Variants in ZPLD1 observed in about 807,000 individuals in gnomAD.
The protein encoded by ZPLD1 is zona pellucida like domain containing 1.
ZPLD1 carries 34 observed loss-of-function variants against 47.2 expected under a neutral mutation model. The observed-to-expected ratio is 0.72, with a 90% confidence interval of 0.55 to 0.96. The LOEUF is 0.96. Ranked by LOEUF, ZPLD1 falls within the 40% of genes least tolerant of loss-of-function variation. ZPLD1 has a pLI of 0.00. For synonymous variants in ZPLD1, 176 were observed against 186.2 expected, an observed-to-expected ratio of 0.95 and a Z score of 0.45; for missense variants, 512 against 505.8, an observed-to-expected ratio of 1.01 and a Z score of -0.12.
chr3:102,395,545 C>T (rs1706547394), intron 7 of ZPLD1, among the ~76,000 whole-genome samples: 1 of 152,104 alleles, frequency 6.6e-6, no homozygotes, highest in Non-Finnish European at 1.5e-5. Context: ...CCCAGAGCCT[C>T]CTGAAGGAAT....
At chr3:102,408,823 T>C (rs1706720309) in intron 7 of ZPLD1, among the ~76,000 whole-genome samples, 1 of 151,848 alleles carries the variant, frequency 6.6e-6, no homozygotes, top group African/African-American at 2.4e-5. Flanking sequence ...ACCTTTATTA[T>C]ATCTACTCTT....
chr3:102,395,033 G>A (rs895538599), intron 7 of ZPLD1, among the ~76,000 whole-genome samples: 3 of 152,112 alleles, frequency 2.0e-5, no homozygotes, highest in African/African-American at 7.2e-5. Flanking sequence ...GAGATTTGAA[G>A]ATGGCATCAG....
intron 3 of ZPLD1, among the ~76,000 whole-genome samples, chr3:102,450,509 AAG>A (rs376379892): frequency 1.3e-5 from 2 of 151,584 alleles, no homozygotes; most frequent in African/African-American, 2.4e-5. Context: ...AGATTCATAG[AAG>A]AGAGAGAGAG....
Position 102,469,052 on chromosome 3 carries a change from C to T in ZPLD1, c.850C>T (p.His284Tyr). The change falls in exon 9 of 12, where the codon CAC becomes TAC. Residue 284 changes from histidine to tyrosine, a missense_variant. By Grantham distance (83) the His-to-Tyr change is moderately conservative (BLOSUM62 2). Transcript: ENST00000466937. ...FSFEVFRFVK[H>Y]KNQKMSTVFL... ...TTTTGAAGTGTTCCGATTTGTGAAA[C>T]ACAAGAATCAGAAAATGTCCACTGT... 3 of 1,614,148 alleles carry T rather than the reference C, an allele frequency of 1.9e-6. No individual in the cohort carries two copies. The highest frequency in any genetic ancestry group is 1.1e-5 in the South Asian group (1 of 91,082).
At chr3:102,454,366 G>A (rs1211259423) in intron 4 of ZPLD1, among the ~76,000 whole-genome samples, 1 of 152,122 alleles carries the variant, frequency 6.6e-6, no homozygotes, top group Non-Finnish European at 1.5e-5. Context: ...TCCCTGTTCT[G>A]TGTGGAAGGA....
chr3:102,422,421 A>G (rs185126068), intron 8 of ZPLD1, among the ~76,000 whole-genome samples: 2 of 152,174 alleles, frequency 1.3e-5, no homozygotes, highest in East Asian at 3.9e-4. Context: ...GCATCCTACA[A>G]CAAAGAATTA....
At chr3:102,400,563 G>A (rs914708460) in intron 7 of ZPLD1, among the ~76,000 whole-genome samples, 15 of 151,976 alleles carry the variant, frequency 9.9e-5, no homozygotes, top group Non-Finnish European at 2.2e-4. Context: ...GTCTCTTTCA[G>A]AAGTTTCCCC....
chr3:102,469,986 T>C (rs908711712), intron 9 of ZPLD1, among the ~76,000 whole-genome samples: 1 of 152,220 alleles, frequency 6.6e-6, no homozygotes, highest in Non-Finnish European at 1.5e-5. Context: ...TTCTTCATAC[T>C]CATTGATCCC....
At position 102,459,828 on chromosome 3, in the gene ZPLD1, A is replaced by G. The variant is rs113956299; in HGVS notation, c.582+1975A>G. 1.8e-3 allele frequency among the ~76,000 whole-genome samples: 269 copies of G among 152,234 alleles called. 1 individual carries two copies. The highest frequency in any genetic ancestry group is 2.0e-3 in the Non-Finnish European group (133 of 67,968). On this transcript the variant is annotated intron_variant, in intron 6 of 11. Transcript: ENST00000466937. ...TGTGAAACATTTGTTACAATTAATA[A>G]ACCAATATTGATACATTATTAACCA... is the stretch of plus-strand genomic sequence containing the variant.
chr3:102,451,113 A>C (rs1229223171), intron 3 of ZPLD1, among the ~76,000 whole-genome samples: 1 of 152,204 alleles, frequency 6.6e-6, no homozygotes, highest in African/African-American at 2.4e-5. Flanking sequence ...GTTTAAACTT[A>C]TTACAAAACA....
At position 102,477,750 on chromosome 3, in the gene ZPLD1, C is replaced by G. The variant is rs1012836188; in HGVS notation, c.*132C>G. ...AGGTTTGATAAATTTCACAGTATAG[C>G]TTGTCAGCATAATGATAGTGAAAGA... On this transcript the variant is annotated 3_prime_UTR_variant, in exon 12 of 12. Coordinates refer to ENST00000466937, the MANE Select transcript of ZPLD1 (RefSeq NM_001329788.2). The G allele has an allele frequency of 1.2e-6, 1 of 834,056 alleles. No individual in the cohort carries two copies. Among genetic ancestry groups the G allele is most frequent in the Non-Finnish European group, 1.8e-6 (1 of 563,562 alleles). 51.7% of individuals were successfully genotyped at this position (834,056 alleles called of 1,614,324 possible). A position where few individuals can be genotyped will look rare whatever the true frequency, so the allele number is the denominator to read the frequency against.
chr3:102,448,349 G>A (rs780211869), intron 3 of ZPLD1, among the ~76,000 whole-genome samples: 1 of 152,196 alleles, frequency 6.6e-6, no homozygotes, highest in African/African-American at 2.4e-5. Context: ...GGATTGGACA[G>A]TAAAAGGCTT....
intron 7 of ZPLD1, among the ~76,000 whole-genome samples, chr3:102,403,722 A>G (rs1198601122): frequency 6.6e-6 from 1 of 151,950 alleles, no homozygotes; most frequent in Non-Finnish European, 1.5e-5. Context: ...AGTTGAAGTC[A>G]CATAGGTATG....
chr3:102,405,038 T>C (rs1706665481), intron 7 of ZPLD1, among the ~76,000 whole-genome samples: 1 of 152,066 alleles, frequency 6.6e-6, no homozygotes, highest in South Asian at 2.1e-4. Flanking sequence ...TAACAGCTGC[T>C]GTGATATTCC....
At chr3:102,471,956 T>C (rs1707692304) in intron 10 of ZPLD1, among the ~76,000 whole-genome samples, 1 of 152,208 alleles carries the variant, frequency 6.6e-6, no homozygotes, top group Non-Finnish European at 1.5e-5. Context: ...AATGCTGTTA[T>C]TATGTTTCAG....
chr3:102,437,576 G>C (rs1576146553), intron 2 of ZPLD1, among the ~76,000 whole-genome samples: 1 of 152,128 alleles, frequency 6.6e-6, no homozygotes, highest in Admixed American at 6.5e-5. Flanking sequence ...CAACCCAAAA[G>C]ATTCTTTTCA....
chr3:102,428,137 C>A (rs1706972497), intron 8 of ZPLD1, among the ~76,000 whole-genome samples: 1 of 152,100 alleles, frequency 6.6e-6, no homozygotes, highest in Admixed American at 6.6e-5. Context: ...TATGTGTAGT[C>A]TTTCTATTGT....
chr3:102,435,081 G>A lies in ZPLD1; in HGVS notation c.-196G>A. 6.2e-7 allele frequency: 1 copy of A among 1,613,474 alleles called. No homozygotes were observed. The highest frequency in any genetic ancestry group is 8.5e-7 in the Non-Finnish European group (1 of 1,179,432). On this transcript the variant is annotated 5_prime_UTR_variant, in exon 1 of 12. Coordinates refer to ENST00000466937, the MANE Select transcript of ZPLD1 (RefSeq NM_001329788.2). ...TTTCAGAAAAGTATTTAGGGACTGTGCTAAAATAGCATCTCCAAGCTTGCT... is the reference window on the plus strand; with the variant it reads ...TTTCAGAAAAGTATTTAGGGACTGTACTAAAATAGCATCTCCAAGCTTGCT...
At chr3:102,462,410 A>G (rs2107346927) in intron 7 of ZPLD1, 32 bp downstream of exon 7, 1 of 1,476,668 alleles carries the variant, frequency 6.8e-7, no homozygotes, top group Non-Finnish European at 9.4e-7. Flanking sequence ...TTTTAGGTTA[A>G]AACTCTTTGA....
Sources: allele counts gnomAD v4.1 joint callset (sites outside exome capture counted in the v4.1 genomes callset), GRCh38; gene constraint gnomAD v4.1.1; transcripts MANE v1.5; gene names NCBI Gene and HGNC (gene_info 2026-07-23, HGNC 2026-07-21).